MAOA: variants seen among roughly 807,000 people sequenced by gnomAD.
MAOA encodes the protein monoamine oxidase A.
MAOA carries 6 observed loss-of-function variants against 42.0 expected under a neutral mutation model. The ratio of observed to expected loss-of-function variants is 0.14; its 90% CI spans 0.08 to 0.28. The LOEUF (loss-of-function observed/expected upper bound fraction) is 0.28. MAOA is among the 10% of genes least tolerant of loss of function. The probability of loss-of-function intolerance (pLI) is 1.00; values close to 1 mark genes in which losing one functional copy is unlikely to be tolerated. For missense variants in MAOA, 262 were observed against 422.3 expected (o/e 0.62, Z 3.33); for synonymous variants, 140 against 154.0 (o/e 0.91, Z 0.67).
intron 1 of MAOA, among the ~76,000 whole-genome samples, chrX:43,662,120 G>A (rs1386654101): frequency 1.8e-5 from 2 of 111,516 alleles, no homozygotes; most frequent in African/African-American, 6.5e-5. Flanking sequence ...AGCATGTACT[G>A]TGTGGTTTTG....
At chrX:43,714,317 G>A (rs1200711243) in intron 5 of MAOA, among the ~76,000 whole-genome samples, 2 of 110,671 alleles carry the variant, frequency 1.8e-5, no homozygotes, top group Non-Finnish European at 3.8e-5. Context: ...AGATAGGAAG[G>A]ACTGATGGGG....
intron 2 of MAOA, among the ~76,000 whole-genome samples, chrX:43,692,325 G>A (rs1024273783): frequency 6.3e-5 from 7 of 110,596 alleles, no homozygotes; most frequent in African/African-American, 2.3e-4. Flanking sequence ...AGGGTAAATG[G>A]CAAGAAAACT....
At chrX:43,726,661 G>A (rs1318440723) in intron 5 of MAOA, among the ~76,000 whole-genome samples, 1 of 112,019 alleles carries the variant, frequency 8.9e-6, no homozygotes, top group African/African-American at 3.2e-5. Context: ...CCCACCTTCT[G>A]AAGCCTACTT....
chrX:43,658,291 C>T (rs1299123104), intron 1 of MAOA, among the ~76,000 whole-genome samples: 4 of 111,451 alleles, frequency 3.6e-5, no homozygotes, highest in African/African-American at 6.5e-5. Context: ...TTAAGGAGCG[C>T]GGTTTTTTTA....
At chrX:43,725,918 C>T (rs1442153502) in intron 5 of MAOA, among the ~76,000 whole-genome samples, 1 of 111,781 alleles carries the variant, frequency 8.9e-6, no homozygotes, top group Non-Finnish European at 1.9e-5. Flanking sequence ...TTTATTTCTC[C>T]TTCATTTATG....
chrX:43,667,101 G>C (rs1282102530), intron 1 of MAOA, among the ~76,000 whole-genome samples: 1 of 109,627 alleles, frequency 9.1e-6, no homozygotes, highest in East Asian at 2.9e-4. Context: ...TAACAAACCT[G>C]CACATTGTGC....
chrX:43,698,597 A>C (rs948385782), intron 3 of MAOA, among the ~76,000 whole-genome samples: 4 of 112,504 alleles, frequency 3.6e-5, no homozygotes, highest in Admixed American at 9.4e-5. Flanking sequence ...AGTGGTGAAC[A>C]AATGATCAAA....
At chrX:43,695,613 T>A (rs1217504885) in intron 3 of MAOA, among the ~76,000 whole-genome samples, 1 of 111,418 alleles carries the variant, frequency 9.0e-6, no homozygotes, top group Non-Finnish European at 1.9e-5. Context: ...CATCCTGTAG[T>A]CCCAGCTATT....
At chrX:43,672,398 AT>A (rs1000712526) in intron 1 of MAOA, among the ~76,000 whole-genome samples, 1 of 110,786 alleles carries the variant, frequency 9.0e-6, no homozygotes, top group Non-Finnish European at 1.9e-5. Flanking sequence ...AACAGGGACA[AT>A]TTGACTTCCT....
At chrX:43,699,234 T>C (rs1020069119) in intron 3 of MAOA, among the ~76,000 whole-genome samples, 6 of 112,384 alleles carry the variant, frequency 5.3e-5, no homozygotes, top group African/African-American at 1.9e-4. Context: ...GATTGATTCA[T>C]TACTTGCATT....
At chrX:43,657,838 C>G (rs2033197082) in intron 1 of MAOA, 2 of 667,736 alleles carry the variant, frequency 3.0e-6, no homozygotes, top group South Asian at 1.5e-4. Context: ...TTTATCTGAA[C>G]CCAACATTGT....
At chrX:43,744,066 C>G (rs370838015) in intron 13 of MAOA, 43 bp from the exon 14 acceptor site, 1 of 1,193,760 alleles carries the variant, frequency 8.4e-7, no homozygotes, top group Non-Finnish European at 1.1e-6. Flanking sequence ...TCTGTAGAAA[C>G]TATACAGCCT....
chrX:43,740,814 A>AT, intron 11 of MAOA, 76 bp downstream of exon 11: 1 of 924,193 alleles, frequency 1.1e-6, no homozygotes, highest in East Asian at 3.5e-5. Context: ...GCATATTCTG[A>AT]TTTTTTGACA....
intron 3 of MAOA, among the ~76,000 whole-genome samples, chrX:43,711,505 C>T (rs989928433): frequency 7.1e-5 from 8 of 112,369 alleles, no homozygotes; most frequent in Non-Finnish European, 1.1e-4. Flanking sequence ...TAAGTGGGAA[C>T]AGCTTTCTCA....
chrX:43,672,706 TG>T (rs2033348690), intron 1 of MAOA, among the ~76,000 whole-genome samples: 1 of 111,785 alleles, frequency 8.9e-6, no homozygotes, highest in African/African-American at 3.3e-5. Context: ...GATAATCATG[TG>T]GTTTTTGTCT....
chrX:43,665,376 A>G (rs1381934384), intron 1 of MAOA, among the ~76,000 whole-genome samples: 1 of 111,355 alleles, frequency 9.0e-6, no homozygotes, highest in East Asian at 2.8e-4. Context: ...TTCCATGAAC[A>G]TTGATACTTC....
rs769191109 is a variant in MAOA at position 43,731,872 on chromosome X, T to C, written c.955+19T>C. 1.7e-6 allele frequency: 2 copies of C among 1,167,625 alleles called. No individual in the cohort carries two copies. Among genetic ancestry groups the C allele is most frequent in the East Asian group, 6.0e-5 (2 of 33,599 alleles). On this transcript the variant is annotated intron_variant, in intron 8 of 14. Coordinates refer to ENST00000338702, the MANE Select transcript of MAOA (RefSeq NM_000240.4). ...AAGAAGGGTAGGCTGCTATTATTCA[T>C]GTTTAAACTGTATTATATGAAGAAA...
At chrX:43,659,532 C>T (rs1358344174) in intron 1 of MAOA, among the ~76,000 whole-genome samples, 2 of 111,394 alleles carry the variant, frequency 1.8e-5, no homozygotes, top group African/African-American at 6.5e-5. Context: ...CACTGTTCAT[C>T]ACTTTGGGGC....
At chrX:43,663,426 A>C (rs936645448) in intron 1 of MAOA, among the ~76,000 whole-genome samples, 13 of 112,093 alleles carry the variant, frequency 1.2e-4, no homozygotes, top group African/African-American at 4.2e-4. Context: ...GAGTTGAAGT[A>C]ATTATATATT....
Sources: allele counts gnomAD v4.1 joint callset (sites outside exome capture counted in the v4.1 genomes callset), GRCh38; gene constraint gnomAD v4.1.1; transcripts MANE v1.5; gene names NCBI Gene and HGNC (gene_info 2026-07-23, HGNC 2026-07-21).